Variants in PPP1R9A observed in about 807,000 individuals in gnomAD.
The protein encoded by PPP1R9A is neurabin-1.
A neutral mutation model predicts 141.9 loss-of-function variants in PPP1R9A; 59 were observed. The observed-to-expected ratio is 0.42, with a 90% CI of 0.34 to 0.52. The LOEUF (loss-of-function observed/expected upper bound fraction) is 0.52. Ranked by LOEUF, PPP1R9A falls within the 20% of genes least tolerant of loss-of-function variation. PPP1R9A has a pLI of 0.10. For missense variants in PPP1R9A, 1,444 were observed against 1,611.9 expected, an observed-to-expected ratio of 0.90 and a Z score of 1.78; for synonymous variants, 500 against 569.7, an observed-to-expected ratio of 0.88 and a Z score of 1.74.
At chr7:95,208,327 C>A (rs1479412151) in intron 7 of PPP1R9A, among the ~76,000 whole-genome samples, 1 of 151,938 alleles carries the variant, frequency 6.6e-6, no homozygotes, top group Non-Finnish European at 1.5e-5. Flanking sequence ...TAATCCATAC[C>A]CAAAATTCCA....
intron 7 of PPP1R9A, among the ~76,000 whole-genome samples, chr7:95,216,779 G>C (rs1292217295): frequency 6.6e-6 from 1 of 152,088 alleles, no homozygotes; most frequent in African/African-American, 2.4e-5. Flanking sequence ...GTCTGTTATT[G>C]GTGTATAAGA....
At chr7:95,280,080 C>T (rs1016224906) in intron 16 of PPP1R9A, among the ~76,000 whole-genome samples, 26 of 151,958 alleles carry the variant, frequency 1.7e-4, no homozygotes, top group African/African-American at 5.8e-4. Flanking sequence ...GGGGGTTGGC[C>T]CTGAGCTTTA....
chr7:95,212,362 T>C (rs1283417465), intron 7 of PPP1R9A, among the ~76,000 whole-genome samples: 1 of 152,046 alleles, frequency 6.6e-6, no homozygotes, highest in African/African-American at 2.4e-5. Context: ...TTCTTTAGGA[T>C]ATTTTAAAGA....
intron 8 of PPP1R9A, among the ~76,000 whole-genome samples, chr7:95,229,055 A>T (rs1200612463): frequency 6.6e-6 from 1 of 152,040 alleles, no homozygotes; most frequent in Non-Finnish European, 1.5e-5. Flanking sequence ...ATGAGCAATG[A>T]AGGTTGCCAC....
rs999256657 is a variant in PPP1R9A at position 95,030,818 on chromosome 7, G to A, written c.1396-80441G>A. Among the ~76,000 whole-genome samples the A allele has an allele frequency of 4.6e-5, 7 of 152,160 alleles. No individual in the cohort carries two copies. In the South Asian group the frequency reaches 6.2e-4, roughly 14 times the overall value. ...GCATAAAGTATATTTCACCCACATA[G>A]CGTTTACCCAAGGGTGATATTCCAA... On this transcript the variant is annotated intron_variant, in intron 2 of 19. Transcript: ENST00000433360.
At chr7:95,218,766 T>C (rs1293136495) in intron 7 of PPP1R9A, among the ~76,000 whole-genome samples, 3 of 152,208 alleles carry the variant, frequency 2.0e-5, no homozygotes, top group Admixed American at 6.5e-5. Context: ...TTAAAGTCTG[T>C]TTTATCAGAG....
chr7:95,288,255 T>C (rs1805712364), intron 18 of PPP1R9A, among the ~76,000 whole-genome samples: 1 of 152,198 alleles, frequency 6.6e-6, no homozygotes, highest in Non-Finnish European at 1.5e-5. Context: ...GTCCAGACTG[T>C]TTTGATGTAA....
intron 2 of PPP1R9A, among the ~76,000 whole-genome samples, chr7:94,925,242 A>T (rs1383829457): frequency 6.6e-6 from 1 of 152,046 alleles, no homozygotes; most frequent in Non-Finnish European, 1.5e-5. Context: ...CTGTTGTCCT[A>T]TTCAGGCCTT....
chr7:95,146,342 G>A (rs1189057537), intron 4 of PPP1R9A, among the ~76,000 whole-genome samples: 3 of 152,046 alleles, frequency 2.0e-5, no homozygotes, highest in Non-Finnish European at 2.9e-5. Context: ...CTTTTTGATG[G>A]GGTTGTTTGT....
chr7:95,120,681 T>C (rs1305318613), intron 3 of PPP1R9A, 31 bp from the exon 4 acceptor site: 1 of 1,605,952 alleles, frequency 6.2e-7, no homozygotes, highest in Middle Eastern at 1.7e-4. Context: ...CTTAAGTTGT[T>C]TCACCTCCCC....
At chr7:94,952,233 T>C (rs1393934478) in intron 2 of PPP1R9A, among the ~76,000 whole-genome samples, 2 of 152,182 alleles carry the variant, frequency 1.3e-5, no homozygotes, top group Non-Finnish European at 2.9e-5. Flanking sequence ...GTTAGTTTGC[T>C]GAGAATGATG....
chr7:95,059,470 T>C (rs1811933330), intron 2 of PPP1R9A, among the ~76,000 whole-genome samples: 1 of 152,162 alleles, frequency 6.6e-6, no homozygotes, highest in South Asian at 2.1e-4. Flanking sequence ...CAAGTAGTAA[T>C]AGGTTGAAGT....
At chr7:95,214,518 CT>C (rs200734147) in intron 7 of PPP1R9A, among the ~76,000 whole-genome samples, 4 of 151,396 alleles carry the variant, frequency 2.6e-5, no homozygotes, top group Admixed American at 6.6e-5. Context: ...AAATCACAGT[CT>C]TTTTTTTTCA....
chr7:95,103,362 C>CTTTTTTTTTTTT lies in PPP1R9A; in HGVS notation c.1396-7890_1396-7879dup, dbSNP rs897838647. 8.6e-4 allele frequency among the ~76,000 whole-genome samples: 76 copies of CTTTTTTTTTTTT among 88,818 alleles called. 7 individuals are homozygous for CTTTTTTTTTTTT. Among genetic ancestry groups the CTTTTTTTTTTTT allele is most frequent in the African/African-American group, 2.7e-3 (58 of 21,362 alleles). 58.3% of individuals were successfully genotyped at this position (88,818 alleles called of 152,430 possible). On this transcript the variant is annotated intron_variant, in intron 2 of 19. Transcript: ENST00000433360. ...GAGTATGTTTGGTTTTTTTTCACTT[C>CTTTTTTTTTTTT]TTTTTTTTTTTTTTTTTTGAGACAG...
intron 2 of PPP1R9A, among the ~76,000 whole-genome samples, chr7:95,049,437 C>G (rs1810484490): frequency 6.6e-6 from 1 of 152,152 alleles, no homozygotes; most frequent in Non-Finnish European, 1.5e-5. Context: ...TAAAGAGAGG[C>G]TCCATACATA....
chr7:95,161,966 C>A lies in PPP1R9A; in HGVS notation c.1749C>A (p.Asn583Lys). The A allele has an allele frequency of 3.1e-6, 5 of 1,602,422 alleles. No homozygotes were observed. Among genetic ancestry groups the A allele is most frequent in the Non-Finnish European group, 4.3e-6 (5 of 1,171,988 alleles). ...AATVLRNTKGNVRFVIGREKP... is the reference protein window; with the variant it reads ...AATVLRNTKGKVRFVIGREKP... ...CAGTTCTCAGAAACACCAAGGGCAA[C>A]GTCAGGTAAATACGTGCCTTCTAAT... Residue 583 changes from asparagine to lysine, a missense_variant, in exon 5 of 20, where the codon AAC (asparagine) becomes AAA (lysine). Around this residue, in one of 5 missense-constraint regions of PPP1R9A, gnomAD observed 488 missense variants for 542.0 expected, o/e 0.90. Transcript: ENST00000433360.
At chr7:94,917,321 AG>A (rs1487884686) in intron 2 of PPP1R9A, among the ~76,000 whole-genome samples, 1 of 152,208 alleles carries the variant, frequency 6.6e-6, no homozygotes, top group Non-Finnish European at 1.5e-5. Context: ...GTGTTTAAAA[AG>A]GGATTCTTTT....
intron 4 of PPP1R9A, among the ~76,000 whole-genome samples, chr7:95,141,127 A>G (rs949060977): frequency 2.6e-5 from 4 of 152,226 alleles, no homozygotes; most frequent in Non-Finnish European, 5.9e-5. Flanking sequence ...GCATGGTGAA[A>G]TAAGGGTGAG....
chr7:95,256,380 T>C (rs996393650), intron 12 of PPP1R9A, among the ~76,000 whole-genome samples: 2 of 152,138 alleles, frequency 1.3e-5, no homozygotes, highest in Non-Finnish European at 2.9e-5. Context: ...CATATAATTA[T>C]TTCAATGAAT....
Sources: allele counts gnomAD v4.1 joint callset (sites outside exome capture counted in the v4.1 genomes callset), GRCh38; gene constraint gnomAD v4.1.1; regional missense constraint gnomAD v4.1.1; transcripts MANE v1.5; gene names NCBI Gene and HGNC (gene_info 2026-07-23, HGNC 2026-07-21).